Variants in STRBP observed in about 807,000 individuals in gnomAD.
STRBP encodes the protein spermatid perinuclear RNA binding protein, also known as spermatid perinuclear RNA-binding protein.
STRBP carries 13 observed loss-of-function variants against 80.1 expected under a neutral mutation model. The ratio of observed to expected loss-of-function variants is 0.16; its 90% CI spans 0.11 to 0.26. STRBP has a LOEUF of 0.26. Among genes scored for constraint, STRBP ranks in the 10% least tolerant of loss-of-function variants. The pLI is 1.00. For synonymous variants in STRBP, 284 were observed against 291.2 expected, an observed-to-expected ratio of 0.98 and a Z score of 0.25; for missense variants, 485 against 815.2, an observed-to-expected ratio of 0.59 and a Z score of 4.93.
chr9:123,217,801 G>A, intron 2 of STRBP, among the ~76,000 whole-genome samples: 1 of 152,194 alleles, frequency 6.6e-6, no homozygotes, highest in Non-Finnish European at 1.5e-5. Context: ...CTGGCATTCA[G>A]TATTGCAAAT....
At chr9:123,243,820 C>T (rs1379059663) in intron 1 of STRBP, among the ~76,000 whole-genome samples, 7 of 152,088 alleles carry the variant, frequency 4.6e-5, no homozygotes, top group Non-Finnish European at 8.8e-5. Flanking sequence ...TAATTCATTG[C>T]TGAGGGAAAT....
At chr9:123,135,949 G>T in intron 16 of STRBP, 92 bp downstream of exon 16, 1 of 1,525,984 alleles carries the variant, frequency 6.6e-7, no homozygotes, top group South Asian at 1.3e-5. Context: ...AACAACTTCA[G>T]AAAAAGCTAA....
At chr9:123,156,978 T>C (rs896066899) in intron 11 of STRBP, among the ~76,000 whole-genome samples, 8 of 152,066 alleles carry the variant, frequency 5.3e-5, no homozygotes, top group African/African-American at 1.9e-4. Context: ...CACATTTGAG[T>C]ATCCACTGTA....
In STRBP at chr9:123,241,629, A is replaced by G. The variant is rs184469421; in HGVS notation, c.-301-4663T>C. On this transcript the variant is annotated intron_variant, in intron 1 of 18. Transcript: ENST00000348403. ...ATCCAACCAAGTTTTAAAAGAAAAAAAAAAATCTAGGCATTATCTTTGATT... is the reference window on the plus strand; with the variant it reads ...ATCCAACCAAGTTTTAAAAGAAAAAGAAAAATCTAGGCATTATCTTTGATT... Among the ~76,000 whole-genome samples, 16 of 152,322 alleles carry G rather than the reference A, an allele frequency of 1.1e-4. No individual in the cohort carries two copies. In the East Asian group the frequency reaches 2.9e-3, roughly 28 times the overall value.
At chr9:123,207,295 A>G (rs2039551569) in intron 2 of STRBP, among the ~76,000 whole-genome samples, 1 of 152,218 alleles carries the variant, frequency 6.6e-6, no homozygotes, top group Admixed American at 6.5e-5. Context: ...CTAAATGTCC[A>G]TCAACAAGAG....
At chr9:123,201,696 C>T (rs1564293526) in intron 2 of STRBP, among the ~76,000 whole-genome samples, 1 of 152,126 alleles carries the variant, frequency 6.6e-6, no homozygotes, top group Non-Finnish European at 1.5e-5. Flanking sequence ...GGACAATGTT[C>T]CATGTGCTGA....
chr9:123,245,722 G>C (rs1325748600), intron 1 of STRBP, among the ~76,000 whole-genome samples: 1 of 152,144 alleles, frequency 6.6e-6, no homozygotes, highest in East Asian at 1.9e-4. Flanking sequence ...TAATTCTAAC[G>C]TTCAATCAAG....
At chr9:123,163,390 C>T (rs979707591) in intron 6 of STRBP, among the ~76,000 whole-genome samples, 1 of 152,182 alleles carries the variant, frequency 6.6e-6, no homozygotes, top group Non-Finnish European at 1.5e-5. Flanking sequence ...TGGCTTGCTA[C>T]AGACAGTCAA....
At chr9:123,116,440 T>C (rs1269467276) in intron 2 of STRBP, among the ~76,000 whole-genome samples, 3 of 152,136 alleles carry the variant, frequency 2.0e-5, no homozygotes, top group Non-Finnish European at 4.4e-5. Context: ...TAACCCCAAC[T>C]GTGTAGCTGG....
intron 11 of STRBP, among the ~76,000 whole-genome samples, chr9:123,153,191 A>ATTT (rs781272627): frequency 1.4e-5 from 2 of 141,122 alleles, no homozygotes; most frequent in Non-Finnish European, 3.1e-5. Flanking sequence ...TTCTAGACTC[A>ATTT]TTTTTTTTTT....
chr9:123,130,416 G>A (rs181094158), intron 17 of STRBP, among the ~76,000 whole-genome samples: 1 of 152,056 alleles, frequency 6.6e-6, no homozygotes, highest in Admixed American at 6.6e-5. Flanking sequence ...CACAAGAGAG[G>A]AGTCACTATA....
At chr9:123,250,512 T>C (rs1204753691) in intron 1 of STRBP, among the ~76,000 whole-genome samples, 1 of 152,098 alleles carries the variant, frequency 6.6e-6, no homozygotes, top group Non-Finnish European at 1.5e-5. Context: ...GGGTCTATAG[T>C]TAAAAAAAAA....
chr9:123,165,052 G>A (rs1440313952), intron 6 of STRBP, among the ~76,000 whole-genome samples: 4 of 151,966 alleles, frequency 2.6e-5, no homozygotes, highest in Non-Finnish European at 5.9e-5. Context: ...GGAGGCCGAG[G>A]CAGGCAGATC....
chr9:123,226,228 G>A (rs1380789299), intron 2 of STRBP, among the ~76,000 whole-genome samples: 4 of 152,194 alleles, frequency 2.6e-5, no homozygotes, highest in Non-Finnish European at 4.4e-5. Flanking sequence ...AGGAGGTGAA[G>A]AGAGGGAACT....
At chr9:123,143,415 CTTTT>C (rs1317639263) in intron 13 of STRBP, among the ~76,000 whole-genome samples, 2 of 152,202 alleles carry the variant, frequency 1.3e-5, no homozygotes, top group African/African-American at 4.8e-5. Context: ...TTCTTCTTTT[CTTTT>C]GATTTGATTC....
chr9:123,225,887 AAC>A (rs1315251909), intron 2 of STRBP, among the ~76,000 whole-genome samples: 4 of 152,204 alleles, frequency 2.6e-5, no homozygotes, highest in African/African-American at 4.8e-5. Flanking sequence ...AACTTTGAAA[AAC>A]AGTTTGGTGG....
intron 13 of STRBP, 87 bp from the exon 14 acceptor site, chr9:123,139,774 C>G: frequency 7.1e-7 from 1 of 1,402,752 alleles, no homozygotes; most frequent in Non-Finnish European, 9.8e-7. Context: ...GTTTCAAATC[C>G]ATAGTGTTTG....
chr9:123,258,969 A>C (rs1454676053), intron 1 of STRBP, among the ~76,000 whole-genome samples: 1 of 150,808 alleles, frequency 6.6e-6, no homozygotes, highest in Non-Finnish European at 1.5e-5. Flanking sequence ...CAATCACTAG[A>C]GGGTTTTGAC....
intron 16 of STRBP, 141 bp from the exon 17 acceptor site, chr9:123,133,109 A>G (rs1372526773): frequency 9.9e-7 from 1 of 1,005,600 alleles, no homozygotes; most frequent in Non-Finnish European, 1.4e-6. Flanking sequence ...TGAACCTTCA[A>G]TTTATCATCT....
Sources: allele counts gnomAD v4.1 joint callset (sites outside exome capture counted in the v4.1 genomes callset), GRCh38; gene constraint gnomAD v4.1.1; transcripts MANE v1.5; gene names NCBI Gene and HGNC (gene_info 2026-07-23, HGNC 2026-07-21).